The following MDGA1 variants were observed in gnomAD, a reference collection of about 807,000 sequenced individuals.
The protein encoded by MDGA1 is MAM domain containing glycosylphosphatidylinositol anchor 1.
A neutral mutation model predicts 101.5 loss-of-function variants in MDGA1; 54 were observed. The ratio of observed to expected loss-of-function variants is 0.53; its 90% CI spans 0.43 to 0.67. The LOEUF (loss-of-function observed/expected upper bound fraction) is 0.67, where lower values mean the gene tolerates loss of function less well. Ranked by LOEUF, MDGA1 falls within the 30% of genes least tolerant of loss-of-function variation. The probability of loss-of-function intolerance (pLI) is 0.00; values close to 1 mark genes in which losing one functional copy is unlikely to be tolerated. For synonymous variants in MDGA1, 533 were observed against 558.3 expected, an observed-to-expected ratio of 0.95 and a Z score of 0.64; for missense variants, 1,083 against 1,323.8, an observed-to-expected ratio of 0.82 and a Z score of 2.82.
At chr6:37,690,371 A>C (rs1762283639) in intron 1 of MDGA1, among the ~76,000 whole-genome samples, 1 of 152,240 alleles carries the variant, frequency 6.6e-6, no homozygotes, top group Non-Finnish European at 1.5e-5. Context: ...GTTCAAGTCC[A>C]GGTCTGCCAC....
At chr6:37,644,182 C>T (rs904798182) in intron 13 of MDGA1, among the ~76,000 whole-genome samples, 2 of 151,698 alleles carry the variant, frequency 1.3e-5, no homozygotes, top group Non-Finnish European at 2.9e-5. Context: ...CGCATCCTGC[C>T]TCACAGCACA....
At chr6:37,649,572 G>C (rs1761307994) in intron 8 of MDGA1, among the ~76,000 whole-genome samples, 2 of 152,164 alleles carry the variant, frequency 1.3e-5, no homozygotes, top group African/African-American at 4.8e-5. Flanking sequence ...TAACGCAGGG[G>C]TTTCGCGCAT....
chr6:37,640,680 C>T (rs1004443719), intron 14 of MDGA1, among the ~76,000 whole-genome samples: 1 of 151,924 alleles, frequency 6.6e-6, no homozygotes, highest in Non-Finnish European at 1.5e-5. Context: ...GTCAGGAAGC[C>T]CCTGAGCAGG....
At chr6:37,650,432 G>T in intron 7 of MDGA1, 27 bp from the exon 8 acceptor site, 1 of 1,498,386 alleles carries the variant, frequency 6.7e-7, no homozygotes, top group Non-Finnish European at 8.9e-7. Context: ...GATCAGCGGA[G>T]AGGTAGGAGC....
chr6:37,667,392 G>A lies in MDGA1; in HGVS notation c.68-3286C>T, dbSNP rs1761777627. On this transcript the variant is annotated intron_variant, in intron 1 of 16. Coordinates refer to ENST00000434837, the MANE Select transcript of MDGA1 (RefSeq NM_153487.4). ...TTGGGCCTCAGTTTCCCTACCCATA[G>A]GAAGGATAGATTAGATGACTTCTGA... Among the ~76,000 whole-genome samples, 6 of 152,330 alleles carry A rather than the reference G, an allele frequency of 3.9e-5. No individual in the cohort carries two copies. In the South Asian group the frequency reaches 6.2e-4, roughly 16 times the overall value.
intron 1 of MDGA1, among the ~76,000 whole-genome samples, chr6:37,679,710 C>G (rs1009614589): frequency 1.3e-5 from 2 of 152,224 alleles, no homozygotes; most frequent in Admixed American, 6.5e-5. Flanking sequence ...CTCCTCCGAA[C>G]AGTGGTGGTC....
intron 1 of MDGA1, among the ~76,000 whole-genome samples, chr6:37,681,212 G>A (rs1762090384): frequency 6.6e-6 from 1 of 152,202 alleles, no homozygotes. Flanking sequence ...CAGGGCTCAC[G>A]ATGGGGGATA....
chr6:37,648,839 A>AAGGCCGGGGCTAGGCCGGGGCT lies in MDGA1; in HGVS notation c.1894+142_1894+143insAGCCCCGGCCTAGCCCCGGCCT, dbSNP rs112520975. On this transcript the variant is annotated intron_variant, in intron 9 of 16. Transcript: ENST00000434837. ...GGCCTTGGCGTGGGCGGGTCTTGGA[A>AAGGCCGGGGCTAGGCCGGGGCT]AGGCCGGGGCTAAGCCTGGAGTAGG... The AAGGCCGGGGCTAGGCCGGGGCT allele has an allele frequency of 3.6e-6, 5 of 1,383,898 alleles. No homozygotes were observed. The African/African-American group carries it at 6.1e-5, about 17-fold the overall frequency. 85.7% of individuals were successfully genotyped at this position (1,383,898 alleles called of 1,614,324 possible). A position where few individuals can be genotyped will look rare whatever the true frequency, so the allele number is the denominator to read the frequency against.
At position 37,646,319 on chromosome 6, in the gene MDGA1, C is replaced by G. The variant is rs1460475372; in HGVS notation, c.2103G>C (p.Gly701=). 1.6e-5 allele frequency: 25 copies of G among 1,592,356 alleles called. No homozygotes were observed. The highest frequency in any genetic ancestry group is 1.7e-5 in the Non-Finnish European group (20 of 1,168,532). The part of the protein sequence containing the change: ...KAIPVRRVEK[G]QLLEYILTDL... ...CGGTCAGGATGTACTCCAGCAGCTGCCCCTTCTCCACACGCCGGACCGGGA... is the reference window on the plus strand; with the variant it reads ...CGGTCAGGATGTACTCCAGCAGCTGGCCCTTCTCCACACGCCGGACCGGGA... The change falls in exon 11 of 17, where the codon GGG becomes GGC. Residue 701 remains glycine (G), a synonymous_variant. Coordinates refer to ENST00000434837, the MANE Select transcript of MDGA1 (RefSeq NM_153487.4).
At chr6:37,687,656 G>A (rs1358092361) in intron 1 of MDGA1, among the ~76,000 whole-genome samples, 1 of 152,060 alleles carries the variant, frequency 6.6e-6, no homozygotes, top group African/African-American at 2.4e-5. Context: ...TTTTGTAATA[G>A]AGACAGAGTC....
intron 1 of MDGA1, among the ~76,000 whole-genome samples, chr6:37,695,471 G>A (rs1243276430): frequency 6.6e-6 from 1 of 152,180 alleles, no homozygotes; most frequent in East Asian, 1.9e-4. Context: ...TTGGCCAGAT[G>A]CCTGGGCTAG....
chr6:37,655,390 G>A lies in MDGA1; in HGVS notation c.579+310C>T, dbSNP rs1355596286. 3 of 354,356 alleles carry A rather than the reference G, an allele frequency of 8.5e-6. No individual in the cohort carries two copies. The highest frequency in any genetic ancestry group is 6.1e-5 in the African/African-American group (3 of 48,860). The allele number at this position is 354,356 out of a possible 1,614,324, so 22.0% of individuals were successfully genotyped here. On this transcript the variant is annotated intron_variant, in intron 4 of 16. Transcript: ENST00000434837. The surrounding 1 kb of genome is among the most constrained non-coding windows in gnomAD (Gnocchi z 5.1). The stretch of plus-strand genomic sequence containing the variant: ...CCAGATCCTGCTGTGCCTGGCCACA[G>A]GTTCCCAATACTCTGCCACCCAGCA...
rs908375755 is a variant in MDGA1 at position 37,655,215 on chromosome 6, G to A, written c.580-283C>T. 3.0e-5 allele frequency: 15 copies of A among 494,696 alleles called. No individual in the cohort carries two copies. Among genetic ancestry groups the A allele is most frequent in the African/African-American group, 1.7e-4 (9 of 52,092 alleles). The allele number at this position is 494,696 out of a possible 1,614,324, so 30.6% of individuals were successfully genotyped here. On this transcript the variant is annotated intron_variant, in intron 4 of 16. Coordinates refer to ENST00000434837, the MANE Select transcript of MDGA1 (RefSeq NM_153487.4). The surrounding 1 kb of genome is among the most constrained non-coding windows in gnomAD (Gnocchi z 5.1). ...CCTTGGTTTCTCCAGTCTGGGAAAC[G>A]GAGGGGTAAGAAGGGAACTTACTCG...
chr6:37,655,777 T>A lies in MDGA1; in HGVS notation c.502A>T (p.Ile168Phe), dbSNP rs2114032133. ...AGGGTATCGGAACCCCGCTTCCAGA[T>A]GAAGCGGGCAGGCGGGTTGGAGTTG... ...TVNSNPPARF[I>F]WKRGSDTLSH... is the part of the protein sequence containing the mutation. Residue 168 changes from isoleucine to phenylalanine, a missense_variant, in exon 4 of 17, where the codon ATC (isoleucine) becomes TTC (phenylalanine). Ile to Phe is a conservative substitution (Grantham distance 21). This residue lies in a region of MDGA1 where 310 missense variants were observed against 355.9 expected (regional missense o/e 0.87). Coordinates refer to ENST00000434837, the MANE Select transcript of MDGA1 (RefSeq NM_153487.4). This position sits in a 1 kb window ranked among gnomAD's most constrained non-coding sequence, Gnocchi z 5.1. 2 of 1,613,274 alleles carry A rather than the reference T, an allele frequency of 1.2e-6. No homozygotes were observed. The highest frequency in any genetic ancestry group is 1.3e-5 in the African/African-American group (1 of 75,024).
chr6:37,686,834 C>A (rs1762207743), intron 1 of MDGA1, among the ~76,000 whole-genome samples: 2 of 152,210 alleles, frequency 1.3e-5, no homozygotes, highest in Admixed American at 6.5e-5. Context: ...CCTTGAGAAC[C>A]TACCTTGAGA....
chr6:37,684,109 C>A (rs2395679), intron 1 of MDGA1, among the ~76,000 whole-genome samples: 1 of 152,074 alleles, frequency 6.6e-6, no homozygotes, highest in African/African-American at 2.4e-5. Context: ...CCTGTGCCAT[C>A]GGGAGAAGGC....
Position 37,650,178 on chromosome 6 carries a change from A to C in MDGA1, c.1540T>G (p.Cys514Gly). 1 of 1,612,504 alleles carries C rather than the reference A, an allele frequency of 6.2e-7. No homozygotes were observed. Among genetic ancestry groups the C allele is most frequent in the East Asian group, 2.2e-5 (1 of 44,856 alleles). Residue 514 changes from cysteine (C) to glycine (G), a missense_variant, in exon 8 of 17, where the codon TGC becomes GGC. Cys to Gly is a radical substitution (Grantham distance 159, BLOSUM62 -3). Around this residue, in one of 3 missense-constraint regions of MDGA1, gnomAD observed 657 missense variants for 771.4 expected, o/e 0.85. Transcript: ENST00000434837. Reference sequence around the variant, plus strand: ...AAGCCATTATAGCGGGCCGTCTGGCAGCGGTAGGTCCCGCTCATGTCTCGG... The same window carrying C: ...AAGCCATTATAGCGGGCCGTCTGGCCGCGGTAGGTCCCGCTCATGTCTCGG... ...VSRDMSGTYRCQTARYNGFNV... is the reference protein window; with the variant it reads ...VSRDMSGTYRGQTARYNGFNV...
rs745931908 is a variant in MDGA1 at position 37,646,295 on chromosome 6, G to A, written c.2127C>T (p.Thr709=). ...CATAGCTGTGGGGCACACGGAGATC[G>A]GTCAGGATGTACTCCAGCAGCTGCC... The part of the protein sequence containing the change: ...EKGQLLEYIL[T]DLRVPHSYEV... The change falls in exon 11 of 17, where the codon ACC becomes ACT. Residue 709 remains threonine (T), a synonymous_variant. Coordinates refer to ENST00000434837, the MANE Select transcript of MDGA1 (RefSeq NM_153487.4). 1.5e-5 allele frequency: 24 copies of A among 1,600,690 alleles called. No individual in the cohort carries two copies. The highest frequency in any genetic ancestry group is 2.0e-5 in the Non-Finnish European group (24 of 1,173,206).
At chr6:37,692,685 C>T (rs953913093) in intron 1 of MDGA1, among the ~76,000 whole-genome samples, 1 of 151,790 alleles carries the variant, frequency 6.6e-6, no homozygotes, top group South Asian at 2.1e-4. Context: ...CACCCCCCTT[C>T]CCCCCCAGCC....
Sources: gnomAD v4.1 joint callset for allele counts (sites outside exome capture counted in the v4.1 genomes callset) on GRCh38, gnomAD v4.1.1 for gene constraint, gnomAD v4.1.1 regional missense constraint, Gnocchi (gnomAD v3.1) non-coding constraint, MANE v1.5 for transcripts, NCBI Gene and HGNC (gene_info 2026-07-23, HGNC 2026-07-21) for gene names.